ACYP2: variants seen among roughly 807,000 people sequenced by gnomAD.
The protein encoded by ACYP2 is acylphosphatase 2.
A neutral mutation model predicts 11.2 loss-of-function variants in ACYP2; 12 were observed. The ratio of observed to expected loss-of-function variants is 1.08; its 90% CI spans 0.69 to 1.74. The LOEUF is 1.74. ACYP2 is among the 40% of genes most tolerant of loss of function. The probability of loss-of-function intolerance (pLI) is 0.00; values close to 1 mark genes in which losing one functional copy is unlikely to be tolerated. For synonymous variants in ACYP2, 43 were observed against 32.2 expected (o/e 1.33, Z -1.13); for missense variants, 134 against 101.9 (o/e 1.31, Z -1.35).
At chr2:54,269,548 G>C (rs1037373741) in intron 6 of ACYP2, among the ~76,000 whole-genome samples, 6 of 152,204 alleles carry the variant, frequency 3.9e-5, no homozygotes, top group African/African-American at 1.4e-4. Context: ...CCCACAGCGT[G>C]TTCCTCACCT....
intron 6 of ACYP2, among the ~76,000 whole-genome samples, chr2:54,302,724 A>G (rs1689774964): frequency 6.6e-6 from 1 of 151,906 alleles, no homozygotes; most frequent in African/African-American, 2.4e-5. Flanking sequence ...CTTCCCCCAA[A>G]ATCTGCTCCT....
At chr2:53,987,559 T>C (rs1258861533) in intron 2 of ACYP2, among the ~76,000 whole-genome samples, 1 of 152,174 alleles carries the variant, frequency 6.6e-6, no homozygotes, top group Non-Finnish European at 1.5e-5. Context: ...GAAAAAACTG[T>C]CAAACAGTTT....
intron 6 of ACYP2, among the ~76,000 whole-genome samples, chr2:54,249,940 CAAAAAAAA>C (rs1015312135): frequency 1.8e-4 from 8 of 44,462 alleles, no homozygotes; most frequent in Admixed American, 3.1e-4. Context: ...GACCCTGTCT[CAAAAAAAA>C]AAAAAAAAAA....
At chr2:54,278,924 G>T (rs760985094) in intron 6 of ACYP2, among the ~76,000 whole-genome samples, 3 of 152,190 alleles carry the variant, frequency 2.0e-5, no homozygotes, top group Admixed American at 1.3e-4. Flanking sequence ...AATGACATTT[G>T]TCCAGTCATG....
At chr2:54,177,832 G>T (rs1324403212) in intron 6 of ACYP2, among the ~76,000 whole-genome samples, 1 of 150,244 alleles carries the variant, frequency 6.7e-6, no homozygotes, top group East Asian at 2.0e-4. Flanking sequence ...GCCCCCACTC[G>T]GCCTCCCAGA....
At chr2:54,165,116 G>T (rs1682894490) in intron 6 of ACYP2, among the ~76,000 whole-genome samples, 1 of 152,092 alleles carries the variant, frequency 6.6e-6, no homozygotes, top group African/African-American at 2.4e-5. Context: ...TCTTATTGAT[G>T]GGCATTTGGG....
At chr2:54,096,192 C>T (rs1420706873) in intron 4 of ACYP2, among the ~76,000 whole-genome samples, 4 of 145,118 alleles carry the variant, frequency 2.8e-5, no homozygotes, top group Non-Finnish European at 6.0e-5. Flanking sequence ...CCTCACTTCT[C>T]AGACGGGGCG....
At chr2:54,117,762 A>G (rs1052107270) in intron 4 of ACYP2, among the ~76,000 whole-genome samples, 2 of 152,016 alleles carry the variant, frequency 1.3e-5, no homozygotes, top group Non-Finnish European at 2.9e-5. Flanking sequence ...ATCTTTTTTT[A>G]ATTTAATTTT....
rs758819276 is a variant in ACYP2, at chr2:54,194,756, CCTAA to C, written c.404+56012_404+56015del. Reference sequence around the variant, plus strand: ...GTTTGCAAGTGTCATGTTTGGTATTCCTAACTAGATATGAAAGCTATTTAGGTTA... The same window carrying C: ...GTTTGCAAGTGTCATGTTTGGTATTCCTAGATATGAAAGCTATTTAGGTTA... On this transcript the variant is annotated intron_variant, in intron 6 of 6. Transcript: ENST00000607452. Among the ~76,000 whole-genome samples the C allele has an allele frequency of 6.7e-4, 102 of 152,068 alleles. No individual in the cohort carries two copies. The Middle Eastern group carries it at 0.02, about 30-fold the overall frequency.
chr2:54,081,290 A>G (rs1468564542), intron 4 of ACYP2, among the ~76,000 whole-genome samples: 1 of 152,220 alleles, frequency 6.6e-6, no homozygotes, highest in Non-Finnish European at 1.5e-5. Flanking sequence ...GTGTATTTGT[A>G]ATAATAACGG....
intron 4 of ACYP2, among the ~76,000 whole-genome samples, chr2:54,110,482 C>T (rs1424836754): frequency 6.6e-6 from 1 of 152,154 alleles, no homozygotes. Context: ...AATCAGGATC[C>T]AAACAAGGTA....
chr2:54,000,728 T>C (rs1366288633), intron 2 of ACYP2, among the ~76,000 whole-genome samples: 5 of 152,238 alleles, frequency 3.3e-5, no homozygotes, highest in Non-Finnish European at 7.3e-5. Context: ...AGATGTTCCC[T>C]GGCTCTGAAA....
intron 4 of ACYP2, among the ~76,000 whole-genome samples, chr2:54,115,204 G>A (rs1051285037): frequency 2.0e-5 from 3 of 152,006 alleles, no homozygotes; most frequent in East Asian, 1.9e-4. Flanking sequence ...ATTAAAAAAT[G>A]GTGCAATGGA....
intron 6 of ACYP2, chr2:54,255,755 C>A: frequency 6.2e-7 from 1 of 1,613,956 alleles, no homozygotes; most frequent in Non-Finnish European, 8.5e-7. Flanking sequence ...CTCCCTGCCC[C>A]ACAGGTTTCT....
chr2:54,172,911 G>A (rs949310637), intron 6 of ACYP2, among the ~76,000 whole-genome samples: 11 of 152,196 alleles, frequency 7.2e-5, no homozygotes, highest in Non-Finnish European at 1.6e-4. Flanking sequence ...ATTCCATGGT[G>A]TATATGTGCC....
intron 2 of ACYP2, among the ~76,000 whole-genome samples, chr2:54,033,749 T>C (rs532122013): frequency 6.6e-6 from 1 of 152,178 alleles, no homozygotes; most frequent in South Asian, 2.1e-4. Context: ...CAAGGTAGCA[T>C]GAAGACCAGC....
intron 6 of ACYP2, among the ~76,000 whole-genome samples, chr2:54,265,068 T>C (rs1687953507): frequency 1.3e-5 from 2 of 152,222 alleles, no homozygotes; most frequent in South Asian, 4.1e-4. Context: ...GATTGTACTA[T>C]GCTTTCTATG....
intron 4 of ACYP2, among the ~76,000 whole-genome samples, chr2:54,091,390 TA>T (rs1158001537): frequency 1.3e-5 from 2 of 152,158 alleles, no homozygotes; most frequent in African/African-American, 4.8e-5. Context: ...TCCATGAAGG[TA>T]AATAACAAAA....
intron 6 of ACYP2, among the ~76,000 whole-genome samples, chr2:54,257,023 A>T (rs1017398776): frequency 6.6e-6 from 1 of 152,056 alleles, no homozygotes; most frequent in Non-Finnish European, 1.5e-5. Context: ...TCATCTTAAT[A>T]TGTGCCAATT....
Sources: allele counts gnomAD v4.1 joint callset (sites outside exome capture counted in the v4.1 genomes callset), GRCh38; gene constraint gnomAD v4.1.1; transcripts MANE v1.5; gene names NCBI Gene and HGNC (gene_info 2026-07-23, HGNC 2026-07-21).